Variants in PACS1 observed in about 807,000 individuals in gnomAD.
PACS1 encodes phosphofurin acidic cluster sorting protein 1.
In PACS1, 24 loss-of-function variants were observed where a neutral mutation model predicts 115.0. The ratio of observed to expected loss-of-function variants is 0.21; its 90% confidence interval spans 0.15 to 0.29. The LOEUF is 0.29. Ranked by LOEUF, PACS1 falls within the 10% of genes least tolerant of loss-of-function variation. PACS1 has a pLI of 1.00. For synonymous variants in PACS1, 453 were observed against 504.5 expected, an observed-to-expected ratio of 0.90 and a Z score of 1.37; for missense variants, 838 against 1,251.2, an observed-to-expected ratio of 0.67 and a Z score of 4.98.
intron 4 of PACS1, among the ~76,000 whole-genome samples, chr11:66,213,254 T>C (rs1855118921): frequency 6.6e-6 from 1 of 152,264 alleles, no homozygotes; most frequent in Non-Finnish European, 1.5e-5. Context: ...TGGGGCTGAA[T>C]CTGCTACTAT....
chr11:66,143,179 C>T (rs1859037969), intron 1 of PACS1, among the ~76,000 whole-genome samples: 1 of 152,050 alleles, frequency 6.6e-6, no homozygotes, highest in South Asian at 2.1e-4. Flanking sequence ...ATTGAATTAC[C>T]TTTTTGTAAT....
intron 1 of PACS1, among the ~76,000 whole-genome samples, chr11:66,162,028 G>A (rs771568153): frequency 1.3e-5 from 2 of 151,190 alleles, no homozygotes; most frequent in Non-Finnish European, 2.9e-5. Context: ...TATTTGGATC[G>A]AGAGTCTTTG....
At chr11:66,164,620 T>TA (rs1169163383) in intron 1 of PACS1, among the ~76,000 whole-genome samples, 1 of 141,152 alleles carries the variant, frequency 7.1e-6, no homozygotes, top group African/African-American at 2.6e-5. Context: ...TATATATGTA[T>TA]TTTTTTTTTG....
At chr11:66,179,323 G>A (rs1270307764) in intron 1 of PACS1, among the ~76,000 whole-genome samples, 1 of 151,974 alleles carries the variant, frequency 6.6e-6, no homozygotes, top group Admixed American at 6.6e-5. Flanking sequence ...GTACACATTC[G>A]AGGGTCAAAT....
intron 1 of PACS1, among the ~76,000 whole-genome samples, chr11:66,147,076 A>G (rs1859141394): frequency 1.3e-5 from 2 of 152,192 alleles, no homozygotes; most frequent in Admixed American, 1.3e-4. Flanking sequence ...AGACAAAGAC[A>G]AAAAGAATAA....
intron 1 of PACS1, 23 bp from the exon 2 acceptor site, chr11:66,193,463 A>C (rs1178748037): frequency 6.5e-7 from 1 of 1,545,540 alleles, no homozygotes; most frequent in Non-Finnish European, 8.9e-7. Flanking sequence ...ATATGACAGC[A>C]TCTTCCTTCT....
At chr11:66,123,516 T>TTTA (rs1565115525) in intron 1 of PACS1, among the ~76,000 whole-genome samples, 1 of 151,092 alleles carries the variant, frequency 6.6e-6, no homozygotes, top group Non-Finnish European at 1.5e-5. Flanking sequence ...TATTTTTTTA[T>TTTA]TTTATTTATT....
intron 1 of PACS1, among the ~76,000 whole-genome samples, chr11:66,123,283 C>G (rs993779112): frequency 6.7e-6 from 1 of 150,278 alleles, no homozygotes; most frequent in Non-Finnish European, 1.5e-5. Context: ...CCTCCGCCTT[C>G]TGGGTTCAAG....
intron 1 of PACS1, among the ~76,000 whole-genome samples, chr11:66,113,665 A>G (rs1858236673): frequency 6.6e-6 from 1 of 152,190 alleles, no homozygotes; most frequent in African/African-American, 2.4e-5. Context: ...TGTAGTCTTT[A>G]TGTTTAGGAT....
intron 1 of PACS1, among the ~76,000 whole-genome samples, chr11:66,126,984 G>T (rs1858591315): frequency 6.6e-6 from 1 of 152,110 alleles, no homozygotes; most frequent in African/African-American, 2.4e-5. Context: ...CAACTTCCCT[G>T]CATGCCACGT....
At chr11:66,140,842 T>G (rs1305440456) in intron 1 of PACS1, among the ~76,000 whole-genome samples, 1 of 152,198 alleles carries the variant, frequency 6.6e-6, no homozygotes, top group East Asian at 1.9e-4. Flanking sequence ...GACATTGTTC[T>G]GCACCTTGAT....
chr11:66,107,416 C>CT lies in PACS1; in HGVS notation c.356+36575dup, dbSNP rs562964798. On this transcript the variant is annotated intron_variant, in intron 1 of 23. Transcript: ENST00000320580. ...ATAGCACTTGTCAACTGCTAACACA[C>CT]TATATCCTTTTCCTGTATACTATGC... 1.3e-3 allele frequency among the ~76,000 whole-genome samples: 203 copies of CT among 152,286 alleles called. 1 individual carries two copies. Among genetic ancestry groups the CT allele is most frequent in the African/African-American group, 4.1e-3 (170 of 41,552 alleles).
In PACS1 at chr11:66,236,303, A is replaced by G. The variant is rs1048892106; in HGVS notation, c.2250+363A>G. Among the ~76,000 whole-genome samples the G allele has an allele frequency of 7.2e-5, 11 of 152,240 alleles. No individual in the cohort carries two copies. Among genetic ancestry groups the G allele is most frequent in the South Asian group, 2.1e-4 (1 of 4,828 alleles). ...ATCACGAACTGTTCCTGGGTCCATCACTGATGTCTCCTGTTTATTACACCA... is the reference window on the plus strand; with the variant it reads ...ATCACGAACTGTTCCTGGGTCCATCGCTGATGTCTCCTGTTTATTACACCA... On this transcript the variant is annotated intron_variant, in intron 19 of 23. Coordinates refer to ENST00000320580, the MANE Select transcript of PACS1 (RefSeq NM_018026.4). The surrounding 1 kb of genome is among the most constrained non-coding windows in gnomAD (Gnocchi z 4.2).
chr11:66,193,416 A>G (rs1212710133), intron 1 of PACS1, 70 bp from the exon 2 acceptor site: 1 of 1,057,442 alleles, frequency 9.5e-7, no homozygotes, highest in Non-Finnish European at 1.5e-6. Flanking sequence ...CAGATTGCCT[A>G]ACCAATTGTT....
chr11:66,121,670 T>G (rs957237050), intron 1 of PACS1, among the ~76,000 whole-genome samples: 34 of 152,202 alleles, frequency 2.2e-4, no homozygotes, highest in African/African-American at 8.2e-4. Flanking sequence ...GGAGAAAGTT[T>G]CAGTGATCTG....
intron 1 of PACS1, among the ~76,000 whole-genome samples, chr11:66,107,796 A>G (rs979419982): frequency 3.3e-5 from 5 of 152,214 alleles, no homozygotes; most frequent in Admixed American, 3.3e-4. Context: ...CAATAGAGAA[A>G]CCAGCATAGA....
intron 1 of PACS1, among the ~76,000 whole-genome samples, chr11:66,136,883 T>C (rs1214570353): frequency 6.6e-6 from 1 of 152,156 alleles, no homozygotes; most frequent in African/African-American, 2.4e-5. Context: ...TCTTCAGCTA[T>C]TGGAGGACAG....
chr11:66,237,213 G>A (rs1027099420), intron 19 of PACS1, among the ~76,000 whole-genome samples: 1 of 151,970 alleles, frequency 6.6e-6, no homozygotes, highest in Non-Finnish European at 1.5e-5. Context: ...CCCTGTGCAC[G>A]GCATGCCCGG....
At chr11:66,208,337 G>T (rs773973958) in intron 2 of PACS1, among the ~76,000 whole-genome samples, 1 of 152,116 alleles carries the variant, frequency 6.6e-6, no homozygotes, top group Non-Finnish European at 1.5e-5. Context: ...TTATAAACAG[G>T]GATGAGTGTG....
Sources: allele counts gnomAD v4.1 joint callset (sites outside exome capture counted in the v4.1 genomes callset), GRCh38; gene constraint gnomAD v4.1.1; non-coding constraint Gnocchi (gnomAD v3.1); transcripts MANE v1.5; gene names NCBI Gene and HGNC (gene_info 2026-07-23, HGNC 2026-07-21).